Variants in FRMD6 observed in about 807,000 individuals in gnomAD.
FRMD6 encodes the protein FERM domain containing 6, also known as FERM domain-containing protein 6.
FRMD6 carries 37 observed loss-of-function variants against 73.2 expected under a neutral mutation model. That is an observed-to-expected ratio of 0.51 (90% confidence interval 0.39 to 0.66). FRMD6 has a LOEUF of 0.66. Among genes scored for constraint, FRMD6 ranks in the 30% least tolerant of loss-of-function variants. The probability of loss-of-function intolerance (pLI) is 0.00; values close to 1 mark genes in which losing one functional copy is unlikely to be tolerated. For synonymous variants in FRMD6, 273 were observed against 282.2 expected (o/e 0.97, Z 0.33); for missense variants, 714 against 780.5 (o/e 0.91, Z 1.02).
chr14:51,679,177 G>C (rs1158078213), intron 1 of FRMD6, among the ~76,000 whole-genome samples: 18 of 151,966 alleles, frequency 1.2e-4, no homozygotes, highest in Admixed American at 1.2e-3. Context: ...ACAAGACAGA[G>C]AACATTTAAA....
chr14:51,610,853 A>G (rs569078549), intron 2 of FRMD6, among the ~76,000 whole-genome samples: 1 of 152,322 alleles, frequency 6.6e-6, no homozygotes, highest in South Asian at 2.1e-4. Context: ...TGGTCAATTG[A>G]TGGAAAAGAA....
At chr14:51,713,594 C>T (rs1029293801) in intron 9 of FRMD6, 25 of 152,108 alleles carry the variant, frequency 1.6e-4, no homozygotes, top group African/African-American at 6.0e-4. Flanking sequence ...AATAAAGGGC[C>T]ATTTCTCCTG....
At chr14:51,557,245 CATAT>C (rs35072700) in intron 1 of FRMD6, among the ~76,000 whole-genome samples, 97,871 of 149,732 alleles carry the variant, frequency 0.65, 31,921 homozygotes, top group South Asian at 0.76. Flanking sequence ...GAAAATGTGA[CATAT>C]ATATATATAT....
intron 2 of FRMD6, among the ~76,000 whole-genome samples, chr14:51,599,037 A>G (rs1409728435): frequency 7.4e-6 from 1 of 136,050 alleles, no homozygotes; most frequent in East Asian, 2.2e-4. Context: ...CACTTTTCTC[A>G]GCAGCCTTGC....
the FRMD6 span, among the ~76,000 whole-genome samples, chr14:51,429,424 A>ATTTT: frequency 1.3e-4 from 20 of 151,506 alleles, no homozygotes; most frequent in African/African-American, 4.4e-4. Context: ...AGTCATGAAG[A>ATTTT]TTTTTTTTTG....
chr14:51,440,197 T>C, the FRMD6 span, among the ~76,000 whole-genome samples: 1 of 152,244 alleles, frequency 6.6e-6, no homozygotes, highest in Non-Finnish European at 1.5e-5. Flanking sequence ...TGTGTAATAA[T>C]TGATGTTAGT....
intron 1 of FRMD6, among the ~76,000 whole-genome samples, chr14:51,551,969 C>T (rs933609719): frequency 1.1e-4 from 17 of 152,104 alleles, no homozygotes; most frequent in African/African-American, 3.9e-4. Flanking sequence ...ATTTTTTCCA[C>T]CTGATTATCC....
intron 1 of FRMD6, among the ~76,000 whole-genome samples, chr14:51,671,871 G>T (rs1305959261): frequency 2.0e-5 from 3 of 152,190 alleles, no homozygotes; most frequent in Non-Finnish European, 4.4e-5. Flanking sequence ...ATTAACAGCA[G>T]AAACAATGGC....
At chr14:51,575,721 A>C (rs1285995766) in intron 2 of FRMD6, 3 of 152,140 alleles carry the variant, frequency 2.0e-5, no homozygotes, top group Non-Finnish European at 4.4e-5. Flanking sequence ...TGTATTTGAG[A>C]ATGCACTGTG....
the FRMD6 span, among the ~76,000 whole-genome samples, chr14:51,442,609 C>T: frequency 0.1 from 15,329 of 152,178 alleles, 1,015 homozygotes; most frequent in South Asian, 0.27. Flanking sequence ...TCTTACCCTG[C>T]TCCCCACATA....
intron 2 of FRMD6, among the ~76,000 whole-genome samples, chr14:51,598,359 C>T (rs1274626808): frequency 6.6e-6 from 1 of 152,162 alleles, no homozygotes; most frequent in African/African-American, 2.4e-5. Flanking sequence ...GGGTGAATAT[C>T]AGTCTGACTG....
chr14:51,468,327 G>A, the FRMD6 span, among the ~76,000 whole-genome samples: 1 of 135,412 alleles, frequency 7.4e-6, no homozygotes, highest in Admixed American at 7.3e-5. Flanking sequence ...GGGAGAGGGG[G>A]AGGGGGAGGG....
intron 1 of FRMD6, among the ~76,000 whole-genome samples, chr14:51,490,528 T>C (rs1882931108): frequency 6.6e-6 from 1 of 152,170 alleles, no homozygotes; most frequent in Non-Finnish European, 1.5e-5. Flanking sequence ...ACCTTCTGTG[T>C]TTTGGGCACC....
intron 1 of FRMD6, among the ~76,000 whole-genome samples, chr14:51,539,316 GT>G (rs35452248): frequency 0.11 from 15,974 of 152,006 alleles, 1,122 homozygotes; most frequent in African/African-American, 0.19. Context: ...AGCCATCATA[GT>G]ACTGTGTTTC....
At chr14:51,638,019 T>G (rs1891648840) in intron 2 of FRMD6, 1 of 152,286 alleles carries the variant, frequency 6.6e-6, no homozygotes, top group South Asian at 2.1e-4. Flanking sequence ...GGCTCACGCC[T>G]GTAATACCAG....
intron 4 of FRMD6, 39 bp downstream of exon 4, chr14:51,701,198 T>A: frequency 7.8e-7 from 1 of 1,279,108 alleles, no homozygotes; most frequent in Middle Eastern, 2.0e-4. Context: ...TTTGATTTTT[T>A]TTAAAAAATG....
chr14:51,585,939 G>GTGTGTGTGTGTGTGTGTGTGTGTATATA, intron 2 of FRMD6, among the ~76,000 whole-genome samples: 1 of 31,396 alleles, frequency 3.2e-5, no homozygotes, highest in African/African-American at 6.8e-5. Flanking sequence ...GTGTGTGTGT[G>GTGTGTGTGTGTGTGTGTGTGTGTATATA]TATATATATA....
At chr14:51,509,214 T>C (rs780022775) in intron 1 of FRMD6, among the ~76,000 whole-genome samples, 6 of 152,196 alleles carry the variant, frequency 3.9e-5, no homozygotes, top group Non-Finnish European at 7.3e-5. Flanking sequence ...TGGCTCTAAA[T>C]GACAAATCCT....
intron 1 of FRMD6, among the ~76,000 whole-genome samples, chr14:51,567,647 T>A (rs1394408978): frequency 1.3e-5 from 2 of 152,210 alleles, no homozygotes; most frequent in Non-Finnish European, 2.9e-5. Context: ...GTCCCACCCA[T>A]CTTTTTGTAG....
Sources: gnomAD v4.1 joint callset for allele counts (sites outside exome capture counted in the v4.1 genomes callset) on GRCh38, gnomAD v4.1.1 for gene constraint, MANE v1.5 for transcripts, NCBI Gene and HGNC (gene_info 2026-07-23, HGNC 2026-07-21) for gene names.